NRSN2: variants seen among roughly 807,000 people sequenced by gnomAD.
NRSN2 encodes the protein neurensin-2.
Under a neutral mutation model 11.1 loss-of-function variants are expected in NRSN2, and 10 were observed. That is an observed-to-expected ratio of 0.90 (90% CI 0.56 to 1.53). NRSN2 has a LOEUF of 1.53. NRSN2 is among the 40% of genes most tolerant of loss of function. The probability of loss-of-function intolerance (pLI) is 0.00; values close to 1 mark genes in which losing one functional copy is unlikely to be tolerated. For synonymous variants in NRSN2, 100 were observed against 117.0 expected, an observed-to-expected ratio of 0.86 and a Z score of 0.94; for missense variants, 260 against 273.7, an observed-to-expected ratio of 0.95 and a Z score of 0.35.
intron 4 of NRSN2, 30 bp downstream of exon 4, chr20:349,862 C>G: frequency 6.3e-7 from 1 of 1,589,596 alleles, no homozygotes; most frequent in Non-Finnish European, 8.6e-7. Context: ...TCCCATGATT[C>G]CTCTGCCTTG....
In NRSN2 at chr20:347,722, C is replaced by G. The variant is rs2122497037; in HGVS notation, c.-122+210C>G. On this transcript the variant is annotated intron_variant, in intron 2 of 4. Transcript: ENST00000382285. The surrounding 1 kb of genome is among the most constrained non-coding windows in gnomAD (Gnocchi z 7.0). ...GGGCCCTGGCTTCCGTCACTTCCGC[C>G]CGTGCCTGCCGCCCCTCGCCTCCTC... Among the ~76,000 whole-genome samples the G allele has an allele frequency of 6.6e-6, 1 of 152,254 alleles. No homozygotes were observed. Among genetic ancestry groups the G allele is most frequent in the South Asian group, 2.1e-4 (1 of 4,830 alleles).
At chr20:348,047 G>C (rs2013577896) in intron 2 of NRSN2, 1 of 152,838 alleles carries the variant, frequency 6.5e-6, no homozygotes, top group Non-Finnish European at 1.5e-5. Context: ...TGAATTGGAG[G>C]GGAGGAGCTG....
rs1319378781 is a variant in NRSN2, at chr20:347,881, C to A, written c.-122+369C>A. 1.3e-5 allele frequency among the ~76,000 whole-genome samples: 2 copies of A among 151,930 alleles called. No homozygotes were observed. The highest frequency in any genetic ancestry group is 4.8e-5 in the African/African-American group (2 of 41,370). The stretch of plus-strand genomic sequence containing the variant: ...CCCATGGCAACCCTCGTCCCGGGTG[C>A]CTGCGCCCCGCCCCCCGCCCGCCAG... On this transcript the variant is annotated intron_variant, in intron 2 of 4. Coordinates refer to ENST00000382285, the MANE Select transcript of NRSN2 (RefSeq NM_001323682.2). The surrounding 1 kb of genome is among the most constrained non-coding windows in gnomAD (Gnocchi z 7.0).
rs1429348620 is a variant in NRSN2, at chr20:349,254, G to A, written c.-116G>A. 1.1e-5 allele frequency: 2 copies of A among 177,860 alleles called. No homozygotes were observed. The highest frequency in any genetic ancestry group is 2.4e-5 in the African/African-American group (1 of 42,366). The allele number at this position is 177,860 out of a possible 1,614,324, so 11.0% of individuals were successfully genotyped here. A position where few individuals can be genotyped will look rare whatever the true frequency, so the allele number is the denominator to read the frequency against. On this transcript the variant is annotated 5_prime_UTR_variant, in exon 3 of 5. Coordinates refer to ENST00000382285, the MANE Select transcript of NRSN2 (RefSeq NM_001323682.2). ...TTATTAGGTCTGTTTTACAGATGAG[G>A]AAACTGAGACCCAGAAAGGTGGAAG...
At chr20:348,502 T>TGTGTG (rs1381343852) in intron 2 of NRSN2, 3 of 151,270 alleles carry the variant, frequency 2.0e-5, no homozygotes, top group Non-Finnish European at 4.3e-5. Flanking sequence ...TGTGTGTGTG[T>TGTGTG]GTGTGTGTGT....
At chr20:348,553 T>A (rs949824063) in intron 2 of NRSN2, among the ~76,000 whole-genome samples, 2 of 147,790 alleles carry the variant, frequency 1.4e-5, no homozygotes, top group African/African-American at 5.0e-5. Flanking sequence ...TATGTCTCTG[T>A]ATGCTTTGTG....
rs1430386212 is a variant in NRSN2 at position 353,404 on chromosome 20, T to G, written c.384T>G (p.Val128=). The G allele has an allele frequency of 6.2e-7, 1 of 1,613,982 alleles. No individual in the cohort carries two copies. The highest frequency in any genetic ancestry group is 8.5e-7 in the Non-Finnish European group (1 of 1,179,998). ...CAGCGCTCTGTGTGGCAGCTGGAGT[T>G]CTGCTCGCCATCTGCCTCTTCTGGG... ...AGTALCVAAG[V]LLAICLFWAM... Residue 128 remains valine, a synonymous_variant, in exon 5 of 5, where the codon GTT becomes GTG. Transcript: ENST00000382285.
rs1568516978 is a variant in NRSN2 at position 350,665 on chromosome 20, AAAAAAAAAAAAG to A, written c.189+840_189+851del. On this transcript the variant is annotated intron_variant, in intron 4 of 4. Transcript: ENST00000382285. ...CTGTCTCAAAAAAAAAAAAAAAAAAAAAAAAAAAAAAGAAAAAAGAAGGGAAAATGTTGCTCA... is the reference window on the plus strand; with the variant it reads ...CTGTCTCAAAAAAAAAAAAAAAAAAAAAAAAAGAAGGGAAAATGTTGCTCA... Among the ~76,000 whole-genome samples the A allele has an allele frequency of 2.2e-4, 27 of 120,962 alleles. 1 individual carries two copies. Among genetic ancestry groups the A allele is most frequent in the African/African-American group, 7.1e-4 (22 of 30,854 alleles). 79.4% of individuals were successfully genotyped at this position (120,962 alleles called of 152,430 possible). A position where few individuals can be genotyped will look rare whatever the true frequency, so the allele number is the denominator to read the frequency against.
In NRSN2 at chr20:353,906, G is replaced by A. The variant is rs73576416; in HGVS notation, c.*271G>A. On this transcript the variant is annotated 3_prime_UTR_variant, in exon 5 of 5. Transcript: ENST00000382285. The stretch of plus-strand genomic sequence containing the variant: ...GGGCAGAAAACATCTCCTTCAACCC[G>A]TCCCCACTCCTTCCTCTGCATGACC... 0.014 allele frequency: 6,942 copies of A among 494,764 alleles called. 127 individuals carry two copies. Among genetic ancestry groups the A allele is most frequent in the African/African-American group, 0.061 (3,066 of 50,334 alleles). The allele number at this position is 494,764 out of a possible 1,614,324, so 30.6% of individuals were successfully genotyped here. A position where few individuals can be genotyped will look rare whatever the true frequency, so the allele number is the denominator to read the frequency against.
Position 353,334 on chromosome 20 carries a change from C to A in NRSN2, c.314C>A (p.Ala105Glu), listed in dbSNP as rs1279451486. The A allele has an allele frequency of 1.1e-5, 18 of 1,613,904 alleles. No homozygotes were observed. The highest frequency in any genetic ancestry group is 1.4e-5 in the Non-Finnish European group (17 of 1,180,028). ...GAGTTCCTGGTGTTGGATCAGCGGG[C>A]AGCCGACTACAACCAGGCCCTGGGC... The part of the protein sequence containing the change: ...EGEFLVLDQR[A>E]ADYNQALGTC... Residue 105 changes from alanine to glutamate, a missense_variant, in exon 5 of 5, where the codon GCA becomes GAA. Physicochemically the swap from Ala to Glu is moderately radical, Grantham distance 107. Coordinates refer to ENST00000382285, the MANE Select transcript of NRSN2 (RefSeq NM_001323682.2).
chr20:352,094 C>G (rs1308551320), intron 4 of NRSN2, among the ~76,000 whole-genome samples: 1 of 152,222 alleles, frequency 6.6e-6, no homozygotes, highest in Non-Finnish European at 1.5e-5. Flanking sequence ...ATGGACTATG[C>G]TGACTGGCAG....
rs1300255353 is a variant in NRSN2 at position 354,365 on chromosome 20, C to T, written c.*730C>T. The T allele has an allele frequency of 6.6e-6, 1 of 152,034 alleles. No individual in the cohort carries two copies. The highest frequency in any genetic ancestry group is 1.5e-5 in the Non-Finnish European group (1 of 68,038). 9.4% of individuals were successfully genotyped at this position (152,034 alleles called of 1,614,324 possible). ...AGCCAGCCCCTCACCTTCCTGGTTCCCTGAGGGTCCTCAGGGTGGAGGACA... is the reference window on the plus strand; with the variant it reads ...AGCCAGCCCCTCACCTTCCTGGTTCTCTGAGGGTCCTCAGGGTGGAGGACA... On this transcript the variant is annotated 3_prime_UTR_variant, in exon 5 of 5. Coordinates refer to ENST00000382285, the MANE Select transcript of NRSN2 (RefSeq NM_001323682.2).
chr20:354,073 C>G lies in NRSN2; in HGVS notation c.*438C>G. On this transcript the variant is annotated 3_prime_UTR_variant, in exon 5 of 5. Transcript: ENST00000382285. ...ATGAAGGGGTGGGGGTCATTCAGCT[C>G]GAATGGGTCCCAGATGCTCACTTGG... The G allele has an allele frequency of 5.8e-6, 1 of 172,676 alleles. No individual in the cohort carries two copies. The highest frequency in any genetic ancestry group is 1.2e-5 in the Non-Finnish European group (1 of 82,524). The allele number at this position is 172,676 out of a possible 1,614,324, so 10.7% of individuals were successfully genotyped here.
chr20:351,759 C>A (rs1202955440), intron 4 of NRSN2, among the ~76,000 whole-genome samples: 1 of 152,140 alleles, frequency 6.6e-6, no homozygotes, highest in Admixed American at 6.6e-5. Flanking sequence ...GTTAGTTCTT[C>A]CCAACCTGAT....
chr20:353,827 T>G lies in NRSN2; in HGVS notation c.*192T>G. On this transcript the variant is annotated 3_prime_UTR_variant, in exon 5 of 5. Coordinates refer to ENST00000382285, the MANE Select transcript of NRSN2 (RefSeq NM_001323682.2). ...CCCCAACTCTTCCAAGATACCAGCA[T>G]TCCTCAAGTCCTCCCAAAACTTCCT... 2 of 591,562 alleles carry G rather than the reference T, an allele frequency of 3.4e-6. No homozygotes were observed. The highest frequency in any genetic ancestry group is 5.9e-6 in the Non-Finnish European group (2 of 341,210). The allele number at this position is 591,562 out of a possible 1,614,324, so 36.6% of individuals were successfully genotyped here. A position where few individuals can be genotyped will look rare whatever the true frequency, so the allele number is the denominator to read the frequency against.
At chr20:350,671 A>G (rs962160370) in intron 4 of NRSN2, among the ~76,000 whole-genome samples, 6 of 100,394 alleles carry the variant, frequency 6.0e-5, no homozygotes, top group East Asian at 4.0e-4. Context: ...AAAAAAAAAA[A>G]AAAAAGAAAA....
At chr20:348,766 C>G (rs2013682250) in intron 2 of NRSN2, among the ~76,000 whole-genome samples, 1 of 151,764 alleles carries the variant, frequency 6.6e-6, no homozygotes, top group South Asian at 2.1e-4. Flanking sequence ...CAGTCCTCCC[C>G]CAACACCTCC....
intron 4 of NRSN2, among the ~76,000 whole-genome samples, chr20:352,376 G>T (rs771892405): frequency 5.3e-5 from 8 of 152,186 alleles, no homozygotes; most frequent in Non-Finnish European, 8.8e-5. Context: ...AGGAGGTAAG[G>T]TGCCAACCTC....
At position 353,269 on chromosome 20, in the gene NRSN2, C is replaced by T; in HGVS notation, c.249C>T (p.Gly83=). The T allele has an allele frequency of 6.2e-6, 10 of 1,614,068 alleles. No individual in the cohort carries two copies. Among genetic ancestry groups the T allele is most frequent in the Non-Finnish European group, 8.5e-6 (10 of 1,180,028 alleles). Residue 83 remains glycine (G), a synonymous_variant, in exon 5 of 5, where the codon GGC becomes GGT. Coordinates refer to ENST00000382285, the MANE Select transcript of NRSN2 (RefSeq NM_001323682.2). ...LLLGVAALTT[G]YAVPPKLEGI... is the part of the protein sequence containing the mutation. ...TGGGTGTGGCGGCTCTGACCACTGGCTATGCAGTGCCCCCCAAGCTGGAGG... is the reference window on the plus strand; with the variant it reads ...TGGGTGTGGCGGCTCTGACCACTGGTTATGCAGTGCCCCCCAAGCTGGAGG...
Sources: gnomAD v4.1 joint callset for allele counts (sites outside exome capture counted in the v4.1 genomes callset) on GRCh38, gnomAD v4.1.1 for gene constraint, Gnocchi (gnomAD v3.1) non-coding constraint, MANE v1.5 for transcripts, NCBI Gene and HGNC (gene_info 2026-07-23, HGNC 2026-07-21) for gene names.